PAF1: variants seen among roughly 807,000 people sequenced by gnomAD.
The protein encoded by PAF1 is RNA polymerase II-associated factor 1 homolog.
Under a neutral mutation model 68.4 loss-of-function variants are expected in PAF1, and 31 were observed. The ratio of observed to expected loss-of-function variants is 0.45; its 90% CI spans 0.34 to 0.61. The LOEUF (loss-of-function observed/expected upper bound fraction) is 0.61, where lower values mean the gene tolerates loss of function less well. Ranked by LOEUF, PAF1 falls within the 20% of genes least tolerant of loss-of-function variation. The pLI is 0.01. For synonymous variants in PAF1, 256 were observed against 240.5 expected (o/e 1.06, Z -0.60); for missense variants, 435 against 692.9 (o/e 0.63, Z 4.18).
In PAF1 at chr19:39,386,720, T is replaced by C. The variant is rs1267303867; in HGVS notation, c.1066A>G (p.Met356Val). 5.0e-6 allele frequency: 8 copies of C among 1,613,874 alleles called. No individual in the cohort carries two copies. Among genetic ancestry groups the C allele is most frequent in the African/African-American group, 1.3e-5 (1 of 74,942 alleles). ...NALLVVKHRDMNEKELEAQEA... is the reference protein window; with the variant it reads ...NALLVVKHRDVNEKELEAQEA... ...TGAGCTTCCAGTTCCTTCTCATTCA[T>C]GTCCCGATGTTTGACCACAAGCAGG... The change falls in exon 12 of 14, where the codon ATG becomes GTG. Residue 356 changes from methionine to valine, a missense_variant. By Grantham distance (21) the Met-to-Val change is conservative. Around this residue, in one of 7 missense-constraint regions of PAF1, gnomAD observed 151 missense variants for 306.3 expected, o/e 0.49. Transcript: ENST00000221265. This position sits in a 1 kb window ranked among gnomAD's most constrained non-coding sequence, Gnocchi z 6.1.
Position 39,386,043 on chromosome 19 carries a change from C to T in PAF1, c.1544G>A (p.Gly515Asp). 6.2e-7 allele frequency: 1 copy of T among 1,613,972 alleles called. No homozygotes were observed. The highest frequency in any genetic ancestry group is 8.5e-7 in the Non-Finnish European group (1 of 1,180,026). The change falls in exon 14 of 14, where the codon GGC (glycine) becomes GAC (aspartate). Residue 515 changes from glycine to aspartate, a missense_variant. Gly to Asp is a moderately conservative substitution (Grantham distance 94, BLOSUM62 -1). This residue lies in a region of PAF1 where 83 missense variants were observed against 99.9 expected (regional missense o/e 0.83). Coordinates refer to ENST00000221265, the MANE Select transcript of PAF1 (RefSeq NM_019088.4). The surrounding 1 kb of genome is among the most constrained non-coding windows in gnomAD (Gnocchi z 6.1). Reference sequence around the variant, plus strand: ...GGAATCAGAAGCTGCAGCTTCACTGCCATCCTCCTGGGCCGAGTGCTCGCT... The same window carrying T: ...GGAATCAGAAGCTGCAGCTTCACTGTCATCCTCCTGGGCCGAGTGCTCGCT... ...SGSEHSAQEDGSEAAASDSSE... is the reference protein window; with the variant it reads ...SGSEHSAQEDDSEAAASDSSE...
rs1358296312 is a variant in PAF1, at chr19:39,389,063, T to TG, written c.567+29dup. The TG allele has an allele frequency of 1.2e-6, 2 of 1,612,048 alleles. No homozygotes were observed. The highest frequency in any genetic ancestry group is 3.3e-5 in the Admixed American group (2 of 60,008). On this transcript the variant is annotated intron_variant, in intron 7 of 13. Transcript: ENST00000221265. The surrounding 1 kb of genome is among the most constrained non-coding windows in gnomAD (Gnocchi z 5.3). The stretch of plus-strand genomic sequence containing the variant: ...AGGAGGAGCTCTGCAGCCGCACCCT[T>TG]GCCTCTCCCCATCCCAGTCCCTCAA...
Position 39,390,921 on chromosome 19 carries a change from G to T in PAF1, c.-57C>A. ...CCTAGCGGGACCGAAGGGGGACGCAGAGGGGCGTGCCGACTTCAGGGGACG... is the reference window on the plus strand; with the variant it reads ...CCTAGCGGGACCGAAGGGGGACGCATAGGGGCGTGCCGACTTCAGGGGACG... On this transcript the variant is annotated 5_prime_UTR_variant, in exon 1 of 14. In the 5' UTR this introduces an upstream ATG that the reference lacks. Transcript: ENST00000221265. 1 of 1,525,096 alleles carries T rather than the reference G, an allele frequency of 6.6e-7. No homozygotes were observed. 94.5% of individuals were successfully genotyped at this position (1,525,096 alleles called of 1,614,324 possible). A position where few individuals can be genotyped will look rare whatever the true frequency, so the allele number is the denominator to read the frequency against.
Position 39,389,985 on chromosome 19 carries a change from T to C in PAF1, c.170+84A>G. ...CTAGGGTAGGTACTGTGCTAGGCCC[T>C]GAGCAGACAGCAGCCAACGAGACAA... On this transcript the variant is annotated intron_variant, in intron 3 of 13. Transcript: ENST00000221265. This position sits in a 1 kb window ranked among gnomAD's most constrained non-coding sequence, Gnocchi z 5.3. 1.7e-6 allele frequency: 2 copies of C among 1,189,782 alleles called. No individual in the cohort carries two copies. The highest frequency in any genetic ancestry group is 2.3e-5 in the East Asian group (1 of 42,906). 73.7% of individuals were successfully genotyped at this position (1,189,782 alleles called of 1,614,324 possible).
At chr19:39,388,258 G>T in intron 11 of PAF1, 81 bp downstream of exon 11, 1 of 1,393,356 alleles carries the variant, frequency 7.2e-7, no homozygotes, top group South Asian at 1.2e-5. Flanking sequence ...AGGTACAAAT[G>T]ACCTCCAAGG....
chr19:39,390,943 G>A lies in PAF1; in HGVS notation c.-79C>T. ...GCAGAGGGGCGTGCCGACTTCAGGG[G>A]ACGCCTGATCCGAGGAAGGCCCAGC... On this transcript the variant is annotated 5_prime_UTR_variant, in exon 1 of 14. Coordinates refer to ENST00000221265, the MANE Select transcript of PAF1 (RefSeq NM_019088.4). The A allele has an allele frequency of 7.1e-7, 1 of 1,416,604 alleles. No homozygotes were observed. The highest frequency in any genetic ancestry group is 1.2e-5 in the South Asian group (1 of 80,112). 87.8% of individuals were successfully genotyped at this position (1,416,604 alleles called of 1,614,324 possible). A position where few individuals can be genotyped will look rare whatever the true frequency, so the allele number is the denominator to read the frequency against.
At position 39,388,949 on chromosome 19, in the gene PAF1, T is replaced by G; in HGVS notation, c.634A>C (p.Lys212Gln). 1 of 1,614,098 alleles carries G rather than the reference T, an allele frequency of 6.2e-7. No homozygotes were observed. The highest frequency in any genetic ancestry group is 8.5e-7 in the Non-Finnish European group (1 of 1,179,956). The change falls in exon 8 of 14, where the codon AAG (lysine) becomes CAG (glutamine). Residue 212 changes from lysine (K) to glutamine (Q), a missense_variant and splice_region_variant. Lys to Gln is a moderately conservative substitution (Grantham distance 53). Transcript: ENST00000221265. ...CTACCTCCCACCTTGGGCCTGACCT[T>G]AAAGTCTGGGAAGACAGGCATGACC... ...VEVMPVFPDF[K>Q]MWINPCAQVI... is the part of the protein sequence containing the mutation.
intron 11 of PAF1, 60 bp downstream of exon 11, chr19:39,388,279 A>G: frequency 1.9e-6 from 3 of 1,586,456 alleles, no homozygotes; most frequent in South Asian, 2.2e-5. Context: ...TGGCTCTTGC[A>G]TGCCCCAGGG....
Position 39,390,825 on chromosome 19 carries a change from C to T in PAF1, c.40G>A (p.Gly14Ser). 6.3e-7 allele frequency: 1 copy of T among 1,585,448 alleles called. No homozygotes were observed. Among genetic ancestry groups the T allele is most frequent in the Non-Finnish European group, 8.6e-7 (1 of 1,165,586 alleles). The stretch of plus-strand genomic sequence containing the variant: ...GAAAAGCGTGGCGCCTACCTGTGGC[C>T]ATCCTCCCGCTGGGCCTGGGTCTGG... ...TIQTQAQRED[G>S]HRPNSHRTLP... Residue 14 changes from glycine to serine, a missense_variant, in exon 1 of 14, where the codon GGC (glycine) becomes AGC (serine). Around this residue, in one of 7 missense-constraint regions of PAF1, gnomAD observed 38 missense variants for 33.9 expected, o/e 1.12. Transcript: ENST00000221265.
Position 39,389,786 on chromosome 19 carries a change from G to A in PAF1, c.171-25C>T. ...CCTGGGTGGGGAAACACCTATTGTG[G>A]TGTTTGGATTCCAGCTTCACCCCTC... On this transcript the variant is annotated intron_variant, in intron 3 of 13. Transcript: ENST00000221265. This position sits in a 1 kb window ranked among gnomAD's most constrained non-coding sequence, Gnocchi z 5.3. 1 of 1,613,846 alleles carries A rather than the reference G, an allele frequency of 6.2e-7. No individual in the cohort carries two copies. Among genetic ancestry groups the A allele is most frequent in the Non-Finnish European group, 8.5e-7 (1 of 1,179,988 alleles).
rs780959711 is a variant in PAF1, at chr19:39,390,103, G to A, written c.136C>T (p.Pro46Ser). The A allele has an allele frequency of 2.5e-6, 4 of 1,613,982 alleles. No homozygotes were observed. Among genetic ancestry groups the A allele is most frequent in the Non-Finnish European group, 3.4e-6 (4 of 1,179,902 alleles). ...CNSLPDIPFD[P>S]KFITYPFDQN... is the part of the protein sequence containing the mutation. ...TCGAAGGGGTAGGTGATGAACTTGG[G>A]GTCGAAGGGGATATCAGGGAGGCTA... Residue 46 changes from proline (P) to serine (S), a missense_variant, in exon 3 of 14, where the codon CCC (proline) becomes TCC (serine). Pro to Ser is a moderately conservative substitution (Grantham distance 74). Coordinates refer to ENST00000221265, the MANE Select transcript of PAF1 (RefSeq NM_019088.4).
At chr19:39,388,500 C>T in intron 10 of PAF1, 33 bp from the exon 11 acceptor site, 2 of 1,614,108 alleles carry the variant, frequency 1.2e-6, no homozygotes, top group South Asian at 2.2e-5. Context: ...AGCCCCATTT[C>T]TTCCCTATCC....
At chr19:39,387,491 C>T (rs1007845677) in intron 11 of PAF1, among the ~76,000 whole-genome samples, 4 of 152,130 alleles carry the variant, frequency 2.6e-5, no homozygotes, top group African/African-American at 9.7e-5. Flanking sequence ...TGAATAGTGC[C>T]CTCCATGGTT....
Position 39,391,012 on chromosome 19 carries a change from G to A in PAF1, c.-148C>T. The A allele has an allele frequency of 1.3e-6, 1 of 757,378 alleles. No homozygotes were observed. Among genetic ancestry groups the A allele is most frequent in the Admixed American group, 2.8e-5 (1 of 35,902 alleles). 46.9% of individuals were successfully genotyped at this position (757,378 alleles called of 1,614,324 possible). A position where few individuals can be genotyped will look rare whatever the true frequency, so the allele number is the denominator to read the frequency against. On this transcript the variant is annotated 5_prime_UTR_variant, in exon 1 of 14. Coordinates refer to ENST00000221265, the MANE Select transcript of PAF1 (RefSeq NM_019088.4). Reference sequence around the variant, plus strand: ...GAAAGTGGGTTGAGATGAGGTGGGCGGGCGAGAAGAGCTCCAGCGAGACTC... The same window carrying A: ...GAAAGTGGGTTGAGATGAGGTGGGCAGGCGAGAAGAGCTCCAGCGAGACTC...
Position 39,388,983 on chromosome 19 carries a change from T to C in PAF1, c.600A>G (p.Thr200=). Residue 200 remains threonine (T), a synonymous_variant, in exon 8 of 14, where the codon ACA becomes ACG. Coordinates refer to ENST00000221265, the MANE Select transcript of PAF1 (RefSeq NM_019088.4). The part of the protein sequence containing the change: ...ISQHYSKPRV[T]PVEVMPVFPD... Reference sequence around the variant, plus strand: ...GGAAGACAGGCATGACCTCCACCGGTGTGACTCGGGGTTTGCTGTAATGCT... The same window carrying C: ...GGAAGACAGGCATGACCTCCACCGGCGTGACTCGGGGTTTGCTGTAATGCT... The C allele has an allele frequency of 6.2e-7, 1 of 1,614,150 alleles. No homozygotes were observed. Among genetic ancestry groups the C allele is most frequent in the Non-Finnish European group, 8.5e-7 (1 of 1,180,008 alleles).
Position 39,389,619 on chromosome 19 carries a change from C to G in PAF1, c.292+21G>C, listed in dbSNP as rs776215575. ...GAGCCTTTGCTGACCTAGAGCAGACCCTCCCTGTCTCCCCACACACCATTG... is the reference window on the plus strand; with the variant it reads ...GAGCCTTTGCTGACCTAGAGCAGACGCTCCCTGTCTCCCCACACACCATTG... On this transcript the variant is annotated intron_variant, in intron 4 of 13. Transcript: ENST00000221265. The surrounding 1 kb of genome is among the most constrained non-coding windows in gnomAD (Gnocchi z 5.3). The G allele has an allele frequency of 6.2e-7, 1 of 1,614,156 alleles. No individual in the cohort carries two copies. The highest frequency in any genetic ancestry group is 8.5e-7 in the Non-Finnish European group (1 of 1,180,026).
Position 39,388,789 on chromosome 19 carries a change from A to G in PAF1, c.713T>C (p.Leu238Ser), listed in dbSNP as rs1343133627. ...APKDTSGAAA[L>S]EMMSQAMIRG... ...AATCATGGCCTGAGACATCATCTCC[A>G]ACGCAGCTGCACCACTCGTGTCCTT... The change falls in exon 9 of 14, where the codon TTG becomes TCG. Residue 238 changes from leucine (L) to serine (S), a missense_variant. Coordinates refer to ENST00000221265, the MANE Select transcript of PAF1 (RefSeq NM_019088.4). 1 of 1,614,138 alleles carries G rather than the reference A, an allele frequency of 6.2e-7. No homozygotes were observed. The highest frequency in any genetic ancestry group is 1.7e-5 in the Admixed American group (1 of 60,026).
chr19:39,388,818 G>T lies in PAF1; in HGVS notation c.684C>A (p.Ala228=), dbSNP rs766094482. 2 of 1,614,050 alleles carry T rather than the reference G, an allele frequency of 1.2e-6. No homozygotes were observed. The highest frequency in any genetic ancestry group is 1.1e-5 in the South Asian group (1 of 91,082). ...CAGCTGCACCACTCGTGTCCTTGGG[G>T]GCTGGGTCTGAGTCAAAGATCACCT... is the stretch of plus-strand genomic sequence containing the variant. The part of the protein sequence containing the change: ...CAQVIFDSDP[A]PKDTSGAAAL... Residue 228 remains alanine (A), a synonymous_variant, in exon 9 of 14, where the codon GCC becomes GCA. Transcript: ENST00000221265.
chr19:39,388,509 C>T, intron 10 of PAF1, 42 bp from the exon 11 acceptor site: 1 of 1,613,036 alleles, frequency 6.2e-7, no homozygotes, highest in Non-Finnish European at 8.5e-7. Context: ...TCTTCCCTAT[C>T]CCAATCCCCA....
Sources: gnomAD v4.1 joint callset for allele counts (sites outside exome capture counted in the v4.1 genomes callset) on GRCh38, gnomAD v4.1.1 for gene constraint, gnomAD v4.1.1 regional missense constraint, Gnocchi (gnomAD v3.1) non-coding constraint, MANE v1.5 for transcripts, NCBI Gene and HGNC (gene_info 2026-07-23, HGNC 2026-07-21) for gene names.